The following RPL35A variants were observed in gnomAD, a reference collection of about 807,000 sequenced individuals.
The protein encoded by RPL35A is large ribosomal subunit protein eL33.
RPL35A carries 1 observed loss-of-function variant against 16.7 expected under a neutral mutation model. The ratio of observed to expected loss-of-function variants is 0.06; its 90% CI spans 0.02 to 0.28. The LOEUF (loss-of-function observed/expected upper bound fraction) is 0.28, where lower values mean the gene tolerates loss of function less well. RPL35A is among the 10% of genes least tolerant of loss of function. RPL35A has a pLI of 1.00. For synonymous variants in RPL35A, 58 were observed against 47.0 expected (o/e 1.23, Z -0.96); for missense variants, 91 against 138.7 (o/e 0.66, Z 1.73).
chr3:197,953,757 T>A, intron 3 of RPL35A: 4 of 576,506 alleles, frequency 6.9e-6, no homozygotes, highest in Non-Finnish European at 9.3e-6. Context: ...CTATGTATTT[T>A]CCTTAAACTT....
chr3:197,951,409 A>G (rs1472535629), intron 3 of RPL35A, 98 bp downstream of exon 3: 1 of 1,336,404 alleles, frequency 7.5e-7, no homozygotes, highest in Admixed American at 1.7e-5. Context: ...GCTGGAATGC[A>G]GTGACTTGGT....
chr3:197,954,320 T>G, intron 4 of RPL35A, 173 bp downstream of exon 4: 1 of 724,820 alleles, frequency 1.4e-6, no homozygotes, highest in Non-Finnish European at 2.4e-6. Flanking sequence ...ATTAGGTGTT[T>G]GGTTGTTTGT....
At chr3:197,953,338 T>C (rs765641611) in intron 3 of RPL35A, 6 of 424,110 alleles carry the variant, frequency 1.4e-5, no homozygotes, top group South Asian at 1.0e-4. Flanking sequence ...ATTGGGCCAC[T>C]GTACTGCAGC....
In RPL35A at chr3:197,950,478, G is replaced by A. The variant is rs7644053; in HGVS notation, c.-33+257G>A. 1.9e-5 allele frequency: 8 copies of A among 427,192 alleles called. No homozygotes were observed. In the South Asian group the frequency reaches 5.5e-4, roughly 29 times the overall value. The allele number at this position is 427,192 out of a possible 1,614,324, so 26.5% of individuals were successfully genotyped here. On this transcript the variant is annotated intron_variant, in intron 1 of 4. Transcript: ENST00000647248. ...GGAGTGAAACGATGTTTTTGTTCGT[G>A]TGCAGTTGTCCATGAGGCAGTGCTT...
chr3:197,956,054 G>A lies in RPL35A; in HGVS notation c.*281G>A. ...TGCTCGCTGCAGCCTCACATTCAAAGGCTCAAGCAATCCTCCCTTGGCCTT... is the reference window on the plus strand; with the variant it reads ...TGCTCGCTGCAGCCTCACATTCAAAAGCTCAAGCAATCCTCCCTTGGCCTT... On this transcript the variant is annotated 3_prime_UTR_variant, in exon 5 of 5. Coordinates refer to ENST00000647248, the MANE Select transcript of RPL35A (RefSeq NM_000996.4). 2.4e-6 allele frequency: 1 copy of A among 423,036 alleles called. No individual in the cohort carries two copies. The highest frequency in any genetic ancestry group is 4.4e-6 in the Non-Finnish European group (1 of 226,586). 26.2% of individuals were successfully genotyped at this position (423,036 alleles called of 1,614,324 possible).
intron 3 of RPL35A, among the ~76,000 whole-genome samples, chr3:197,952,375 G>A (rs989777293): frequency 2.6e-5 from 4 of 151,782 alleles, no homozygotes; most frequent in Non-Finnish European, 5.9e-5. Flanking sequence ...TCACCATTTT[G>A]GCCAGGCTGG....
At chr3:197,950,620 G>T (rs1719984352) in intron 1 of RPL35A, 1 of 427,100 alleles carries the variant, frequency 2.3e-6, no homozygotes, top group Middle Eastern at 6.6e-4. Flanking sequence ...TCTCTTTAAG[G>T]CTTCATTTCT....
In RPL35A at chr3:197,953,976, T is replaced by C. The variant is rs1394179261; in HGVS notation, c.165-27T>C. The C allele has an allele frequency of 2.5e-6, 4 of 1,611,634 alleles. No individual in the cohort carries two copies. In the African/African-American group the frequency reaches 5.3e-5, roughly 22 times the overall value. On this transcript the variant is annotated intron_variant, in intron 3 of 4. Coordinates refer to ENST00000647248, the MANE Select transcript of RPL35A (RefSeq NM_000996.4). ...TGTATCCAACTATATCAGCTTGTAT[T>C]CCTCTTCTTTCCCTTTTTAAAATCA...
rs576793094 is a variant in RPL35A at position 197,951,538 on chromosome 3, A to G, written c.164+227A>G. On this transcript the variant is annotated intron_variant, in intron 3 of 4. Coordinates refer to ENST00000647248, the MANE Select transcript of RPL35A (RefSeq NM_000996.4). ...CGGCTAGTTTTTGTATTATTAGTAG[A>G]GACAGGGTATTGCCATGTTGGCCAG... 11 of 516,776 alleles carry G rather than the reference A, an allele frequency of 2.1e-5. 1 individual carries two copies. Among genetic ancestry groups the G allele is most frequent in the East Asian group, 1.5e-4 (4 of 27,580 alleles). 32.0% of individuals were successfully genotyped at this position (516,776 alleles called of 1,614,324 possible). A position where few individuals can be genotyped will look rare whatever the true frequency, so the allele number is the denominator to read the frequency against.
At position 197,950,926 on chromosome 3, in the gene RPL35A, T is replaced by C. The variant is rs776600219; in HGVS notation, c.-32-10T>C. 3.7e-6 allele frequency: 6 copies of C among 1,613,960 alleles called. No homozygotes were observed. The East Asian group carries it at 8.9e-5, about 24-fold the overall frequency. On this transcript the variant is annotated splice_polypyrimidine_tract_variant and intron_variant, in intron 1 of 4. Coordinates refer to ENST00000647248, the MANE Select transcript of RPL35A (RefSeq NM_000996.4). Reference sequence around the variant, plus strand: ...CTTGGTTTTAAACTAATCTTTTTGTTTGTTTTAAGGCCTGCTGGGAACGGG... The same window carrying C: ...CTTGGTTTTAAACTAATCTTTTTGTCTGTTTTAAGGCCTGCTGGGAACGGG...
intron 2 of RPL35A, 40 bp downstream of exon 2, chr3:197,951,018 G>C (rs1464793121): frequency 6.2e-7 from 1 of 1,608,762 alleles, no homozygotes; most frequent in Non-Finnish European, 8.5e-7. Flanking sequence ...TTGTGTGTTA[G>C]ACGTGAACGT....
intron 3 of RPL35A, 173 bp downstream of exon 3, chr3:197,951,484 C>T (rs1015351771): frequency 2.9e-6 from 2 of 687,892 alleles, no homozygotes; most frequent in African/African-American, 3.6e-5. Flanking sequence ...TCCCGAGTAG[C>T]TGGGATTACA....
rs1427833551 is a variant in RPL35A, at chr3:197,956,089, TG to T, written c.*319del. 2 of 348,050 alleles carry T rather than the reference TG, an allele frequency of 5.7e-6. No individual in the cohort carries two copies. The highest frequency in any genetic ancestry group is 1.1e-5 in the Non-Finnish European group (2 of 182,352). 21.6% of individuals were successfully genotyped at this position (348,050 alleles called of 1,614,324 possible). On this transcript the variant is annotated 3_prime_UTR_variant, in exon 5 of 5. Transcript: ENST00000647248. The stretch of plus-strand genomic sequence containing the variant: ...ATCCTCCCTTGGCCTTTGAAGTAGC[TG>T]GGACCACAGGCTCATGCCACCATCC...
At chr3:197,951,124 C>T in intron 2 of RPL35A, 35 bp from the exon 3 acceptor site, 2 of 1,613,666 alleles carry the variant, frequency 1.2e-6, no homozygotes, top group Non-Finnish European at 1.7e-6. Context: ...TTTTTTGAAG[C>T]TTATGTTTCA....
At position 197,954,150 on chromosome 3, in the gene RPL35A, G is replaced by C. The variant is rs375769379; in HGVS notation, c.309+3G>C. 4 of 1,614,038 alleles carry C rather than the reference G, an allele frequency of 2.5e-6. No homozygotes were observed. The African/African-American group carries it at 5.3e-5, about 22-fold the overall frequency. On this transcript the variant is annotated splice_donor_region_variant and intron_variant, in intron 4 of 4. Transcript: ENST00000647248. ...CCATTGGACACAGAATCCGAGTGGT[G>C]AGTATGGTTTTTAGCAAAATGGACG...
chr3:197,953,631 G>A, intron 3 of RPL35A: 1 of 456,228 alleles, frequency 2.2e-6, no homozygotes, highest in Non-Finnish European at 4.4e-6. Context: ...TCACCTCAGT[G>A]AGACCTTCCT....
intron 1 of RPL35A, 115 bp downstream of exon 1, chr3:197,950,336 C>T (rs1719950223): frequency 9.8e-6 from 12 of 1,225,624 alleles, no homozygotes; most frequent in Non-Finnish European, 1.2e-5. Flanking sequence ...TTGATTTCTA[C>T]GGGTTTCAAG....
At chr3:197,953,340 T>C in intron 3 of RPL35A, 1 of 430,804 alleles carries the variant, frequency 2.3e-6, no homozygotes, top group Non-Finnish European at 4.7e-6. Flanking sequence ...TGGGCCACTG[T>C]ACTGCAGCCT....
At chr3:197,951,509 C>G in intron 3 of RPL35A, 198 bp downstream of exon 3, 1 of 586,376 alleles carries the variant, frequency 1.7e-6, no homozygotes, top group South Asian at 1.9e-5. Flanking sequence ...CCGGCCACCA[C>G]GCCCGGCTAG....
Sources: allele counts gnomAD v4.1 joint callset (sites outside exome capture counted in the v4.1 genomes callset), GRCh38; gene constraint gnomAD v4.1.1; transcripts MANE v1.5; gene names NCBI Gene and HGNC (gene_info 2026-07-23, HGNC 2026-07-21).